The following ZNF487 variants were observed in gnomAD, a reference collection of about 807,000 sequenced individuals.
The protein encoded by ZNF487 is zinc finger protein 487, also known as KRAB domain only 1.
Under a neutral mutation model 3.0 loss-of-function variants are expected in ZNF487, and 4 were observed. The ratio of observed to expected loss-of-function variants is 1.35; its 90% CI spans 0.66 to 3.08. The LOEUF is 3.08. Among genes scored for constraint, ZNF487 ranks in the 30% most tolerant of loss-of-function variants. ZNF487 has a pLI of 0.01. For synonymous variants in ZNF487, 55 were observed against 34.6 expected (o/e 1.59, Z -2.06); for missense variants, 146 against 98.7 (o/e 1.48, Z -2.03).
intron 1 of ZNF487, among the ~76,000 whole-genome samples, chr10:43,449,814 G>A (rs2260162): frequency 0.46 from 69,996 of 151,288 alleles, 18,497 homozygotes; most frequent in East Asian, 0.73. Flanking sequence ...CAAGTAGCTC[G>A]AATTACAGGC....
chr10:43,501,817 G>A, the ZNF487 span, among the ~76,000 whole-genome samples: 1 of 149,692 alleles, frequency 6.7e-6, no homozygotes, highest in Non-Finnish European at 1.5e-5. Flanking sequence ...ACAGGGTCTT[G>A]CTCTGCCACT....
downstream of ZNF487, among the ~76,000 whole-genome samples, chr10:43,486,917 C>T (rs1841476036): frequency 6.6e-6 from 1 of 152,136 alleles, no homozygotes; most frequent in Non-Finnish European, 1.5e-5. Flanking sequence ...GATAATCATA[C>T]CTAAAATTCA....
the ZNF487 span, among the ~76,000 whole-genome samples, chr10:43,491,688 A>G: frequency 6.6e-6 from 1 of 151,756 alleles, no homozygotes; most frequent in Admixed American, 6.6e-5. Flanking sequence ...CTCATAAAGA[A>G]ACTCTGGGAG....
At chr10:43,502,766 C>T in the ZNF487 span, among the ~76,000 whole-genome samples, 1 of 152,150 alleles carries the variant, frequency 6.6e-6, no homozygotes, top group African/African-American at 2.4e-5. Context: ...TGCGGTGGCT[C>T]ATGCCTGTAA....
chr10:43,455,388 A>C (rs1840147652), intron 1 of ZNF487, among the ~76,000 whole-genome samples: 1 of 152,166 alleles, frequency 6.6e-6, no homozygotes, highest in Admixed American at 6.5e-5. Flanking sequence ...GCACCATCCC[A>C]TTGGCATCGT....
chr10:43,472,178 G>A (rs1235826050), intron 1 of ZNF487, among the ~76,000 whole-genome samples: 1 of 152,110 alleles, frequency 6.6e-6, no homozygotes, highest in Non-Finnish European at 1.5e-5. Flanking sequence ...AATCTCTCCA[G>A]CTCAGATTTC....
chr10:43,496,905 A>G, the ZNF487 span, among the ~76,000 whole-genome samples: 1 of 152,078 alleles, frequency 6.6e-6, no homozygotes, highest in African/African-American at 2.4e-5. Flanking sequence ...AACTCATGTC[A>G]TGGGGGAGTT....
At chr10:43,498,106 TTTTTTTTC>T in the ZNF487 span, among the ~76,000 whole-genome samples, 188 of 9,526 alleles carry the variant, frequency 0.02, 15 homozygotes, top group East Asian at 0.067. Context: ...TATATTTTTT[TTTTTTTTC>T]TTTTTTTTTT....
Position 43,482,584 on chromosome 10 carries a change from G to C in ZNF487, c.*662G>C. On this transcript the variant is annotated 3_prime_UTR_variant, in exon 4 of 4. Transcript: ENST00000437590. The stretch of plus-strand genomic sequence containing the variant: ...CACACAGGAGAGAAACCCTATGGAT[G>C]TAATGAATGTCAGAAAGCCTTTGGT... The C allele has an allele frequency of 2.0e-6, 1 of 508,526 alleles. No individual in the cohort carries two copies. Among genetic ancestry groups the C allele is most frequent in the Non-Finnish European group, 4.0e-6 (1 of 249,298 alleles). 31.5% of individuals were successfully genotyped at this position (508,526 alleles called of 1,614,324 possible). A position where few individuals can be genotyped will look rare whatever the true frequency, so the allele number is the denominator to read the frequency against.
intron 1 of ZNF487, among the ~76,000 whole-genome samples, chr10:43,469,698 A>T (rs1448700932): frequency 6.6e-6 from 1 of 151,946 alleles, no homozygotes; most frequent in African/African-American, 2.4e-5. Flanking sequence ...ACGGTGGCTC[A>T]TGCACTTTGG....
chr10:43,442,277 AAC>A (rs1406844540), intron 1 of ZNF487, among the ~76,000 whole-genome samples: 5 of 150,878 alleles, frequency 3.3e-5, no homozygotes, highest in South Asian at 2.1e-4. Flanking sequence ...ACAAAAAAAA[AAC>A]AAAGAAAAAA....
intron 1 of ZNF487, among the ~76,000 whole-genome samples, chr10:43,450,949 A>T (rs571974458): frequency 1.3e-4 from 19 of 151,730 alleles, no homozygotes; most frequent in East Asian, 1.2e-3. Flanking sequence ...TTATTTTTTT[A>T]TTATTATTAT....
At chr10:43,509,614 C>A in the ZNF487 span, among the ~76,000 whole-genome samples, 2 of 151,888 alleles carry the variant, frequency 1.3e-5, no homozygotes, top group African/African-American at 2.4e-5. Flanking sequence ...GTCCAATGTT[C>A]GAGGGCAGGA....
chr10:43,475,155 T>C (rs1269090667), intron 1 of ZNF487, among the ~76,000 whole-genome samples: 3 of 152,124 alleles, frequency 2.0e-5, no homozygotes, highest in African/African-American at 7.2e-5. Flanking sequence ...TGGTTGGAGA[T>C]TCTCCGGGGA....
At chr10:43,468,583 G>T (rs1042272136) in intron 1 of ZNF487, among the ~76,000 whole-genome samples, 1 of 149,668 alleles carries the variant, frequency 6.7e-6, no homozygotes, top group African/African-American at 2.5e-5. Flanking sequence ...GGAGGTTGAG[G>T]CAGGATAATT....
intron 1 of ZNF487, among the ~76,000 whole-genome samples, chr10:43,474,470 C>G (rs1588739843): frequency 1.3e-5 from 2 of 152,006 alleles, no homozygotes; most frequent in South Asian, 2.1e-4. Flanking sequence ...GAGGCTGAGG[C>G]AGGAGTATTG....
the ZNF487 span, among the ~76,000 whole-genome samples, chr10:43,489,361 A>T: frequency 9.9e-5 from 15 of 152,170 alleles, 1 homozygote; most frequent in African/African-American, 2.9e-4. Flanking sequence ...ATTTATTTTT[A>T]TTTATTTTTT....
chr10:43,498,099 A>ATATATATATTTTTTTTTT, the ZNF487 span, among the ~76,000 whole-genome samples: 2 of 20,188 alleles, frequency 9.9e-5, no homozygotes. Flanking sequence ...ATATATATAT[A>ATATATATATTTTTTTTTT]TTTTTTTTTT....
rs930334308 is a variant in ZNF487, at chr10:43,482,284, A to G, written c.*362A>G. The stretch of plus-strand genomic sequence containing the variant: ...ATGCTAGTACATTTTGCTGTAAGCC[A>G]AAGCATTCTGTATATCAGAAAACAG... On this transcript the variant is annotated 3_prime_UTR_variant, in exon 4 of 4. Transcript: ENST00000437590. 1.5e-5 allele frequency: 6 copies of G among 393,110 alleles called. No individual in the cohort carries two copies. The highest frequency in any genetic ancestry group is 7.0e-5 in the Admixed American group (2 of 28,398). 24.4% of individuals were successfully genotyped at this position (393,110 alleles called of 1,614,324 possible).
Sources: allele counts gnomAD v4.1 joint callset (sites outside exome capture counted in the v4.1 genomes callset), GRCh38; gene constraint gnomAD v4.1.1; transcripts MANE v1.5; gene names NCBI Gene and HGNC (gene_info 2026-07-23, HGNC 2026-07-21).